Variants in ATP2C2 observed in about 807,000 individuals in gnomAD.
ATP2C2 encodes calcium-transporting ATPase type 2C member 2.
In ATP2C2, 171 loss-of-function variants were observed where a neutral mutation model predicts 110.8. The observed-to-expected ratio is 1.54, with a 90% confidence interval of 1.36 to 1.75. The LOEUF (loss-of-function observed/expected upper bound fraction) is 1.75. ATP2C2 is among the 40% of genes most tolerant of loss of function. The probability of loss-of-function intolerance (pLI) is 0.00; values close to 1 mark genes in which losing one functional copy is unlikely to be tolerated. For missense variants in ATP2C2, 1,963 were observed against 1,235.0 expected (o/e 1.59, Z -8.84); for synonymous variants, 804 against 508.4 (o/e 1.58, Z -7.82).
At chr16:84,452,480 C>T (rs888531306) in intron 18 of ATP2C2, among the ~76,000 whole-genome samples, 1 of 149,842 alleles carries the variant, frequency 6.7e-6, no homozygotes, top group African/African-American at 2.5e-5. Flanking sequence ...GGGCTAGCAG[C>T]CCTTCTCCTC....
chr16:84,399,155 C>T (rs565846143), intron 2 of ATP2C2, among the ~76,000 whole-genome samples: 2 of 152,286 alleles, frequency 1.3e-5, no homozygotes, highest in South Asian at 2.1e-4. Flanking sequence ...TGTGTGCACA[C>T]GTGCGTGCAC....
chr16:84,389,624 C>A (rs762223586), intron 1 of ATP2C2, among the ~76,000 whole-genome samples: 12 of 152,106 alleles, frequency 7.9e-5, no homozygotes, highest in Non-Finnish European at 1.5e-4. Context: ...GACGAGGACT[C>A]CTGCTGTCCC....
rs551249843 is a variant in ATP2C2, at chr16:84,442,046, G to A, written c.1312-464G>A. The stretch of plus-strand genomic sequence containing the variant: ...ACCAGGCCGGGAAGGAAGAGCGCTG[G>A]GAATCCCACTCTTTTTGCTTGTCTC... On this transcript the variant is annotated intron_variant, in intron 14 of 26. Transcript: ENST00000262429. Among the ~76,000 whole-genome samples, 5 of 152,138 alleles carry A rather than the reference G, an allele frequency of 3.3e-5. No homozygotes were observed. In the East Asian group the frequency reaches 9.7e-4, roughly 29 times the overall value.
rs7185633 is a variant in ATP2C2 at position 84,430,912 on chromosome 16, C to G, written c.986+5111C>G. ...CTCCTTGTCAGCAACCCAACCCCCC[C>G]ACCTCAGCAGGATGGGGACTCTGCT... is the stretch of plus-strand genomic sequence containing the variant. On this transcript the variant is annotated intron_variant, in intron 11 of 26. Coordinates refer to ENST00000262429, the MANE Select transcript of ATP2C2 (RefSeq NM_014861.4). 8.8e-3 allele frequency among the ~76,000 whole-genome samples: 1,341 copies of G among 152,212 alleles called. 22 individuals are homozygous for G. Among genetic ancestry groups the G allele is most frequent in the African/African-American group, 0.029 (1,192 of 41,508 alleles).
At chr16:84,391,113 C>CAAAAAAAAAA (rs567509863) in intron 1 of ATP2C2, among the ~76,000 whole-genome samples, 7 of 73,260 alleles carry the variant, frequency 9.6e-5, no homozygotes, top group Non-Finnish European at 1.2e-4. Context: ...GACTCAGACT[C>CAAAAAAAAAA]AAAAAAAAAA....
At chr16:84,406,573 C>T (rs867794604) in intron 3 of ATP2C2, 1 of 985,486 alleles carries the variant, frequency 1.0e-6, no homozygotes, top group South Asian at 4.7e-5. Context: ...GAGGTCCCCT[C>T]CCTGATCAAG....
chr16:84,437,662 CATG>C (rs1223998219), intron 11 of ATP2C2, among the ~76,000 whole-genome samples: 1 of 152,178 alleles, frequency 6.6e-6, no homozygotes, highest in East Asian at 1.9e-4. Flanking sequence ...ATTACAGGTG[CATG>C]CCACCACACC....
At chr16:84,376,697 C>A (rs369314600) in intron 1 of ATP2C2, among the ~76,000 whole-genome samples, 1 of 152,150 alleles carries the variant, frequency 6.6e-6, no homozygotes, top group Non-Finnish European at 1.5e-5. Flanking sequence ...CAGTCATGGC[C>A]GCTGGGTGGA....
chr16:84,386,629 C>T (rs1904332956), intron 1 of ATP2C2, among the ~76,000 whole-genome samples: 1 of 152,186 alleles, frequency 6.6e-6, no homozygotes, highest in Non-Finnish European at 1.5e-5. Flanking sequence ...CGTATGCACA[C>T]ACAGACGCAC....
chr16:84,440,902 C>A lies in ATP2C2; in HGVS notation c.1255C>A (p.Pro419Thr), dbSNP rs781700486. Residue 419 changes from proline (P) to threonine (T), a missense_variant, in exon 14 of 27, where the codon CCA becomes ACA. By Grantham distance (38) the Pro-to-Thr change is conservative (BLOSUM62 -1). Transcript: ENST00000262429. ...YDGQGTVCLL[P>T]SKEVIKEFSN... is the part of the protein sequence containing the mutation. ...CGGTCAAGGGACTGTGTGTCTTCTA[C>A]CATCCAAGGAAGTCATTAAGGAATT... is the stretch of plus-strand genomic sequence containing the variant. 1.2e-6 allele frequency: 2 copies of A among 1,613,610 alleles called. No homozygotes were observed. Among genetic ancestry groups the A allele is most frequent in the Non-Finnish European group, 8.5e-7 (1 of 1,179,950 alleles).
At chr16:84,372,894 G>T (rs575373740) in intron 1 of ATP2C2, among the ~76,000 whole-genome samples, 1 of 151,796 alleles carries the variant, frequency 6.6e-6, no homozygotes, top group East Asian at 2.0e-4. Flanking sequence ...GCTGAGGCGT[G>T]CAGATCACTT....
intron 3 of ATP2C2, among the ~76,000 whole-genome samples, chr16:84,406,360 T>G (rs905506218): frequency 1.3e-5 from 2 of 152,208 alleles, no homozygotes; most frequent in African/African-American, 4.8e-5. Context: ...CTGAGGGCAT[T>G]TAGATGGCCT....
At chr16:84,423,368 T>A in intron 10 of ATP2C2, 105 bp downstream of exon 10, 1 of 1,095,702 alleles carries the variant, frequency 9.1e-7, no homozygotes, top group Non-Finnish European at 1.4e-6. Context: ...CTCAGCTGCA[T>A]AAGGCTTGGG....
intron 1 of ATP2C2, among the ~76,000 whole-genome samples, chr16:84,396,411 G>A (rs1186500188): frequency 1.3e-5 from 2 of 151,592 alleles, no homozygotes; most frequent in East Asian, 1.9e-4. Flanking sequence ...TTAGTGAGGC[G>A]TGGCGGTGCG....
intron 1 of ATP2C2, among the ~76,000 whole-genome samples, chr16:84,376,664 C>T (rs997249563): frequency 2.0e-5 from 3 of 152,132 alleles, no homozygotes; most frequent in Non-Finnish European, 2.9e-5. Context: ...TAGACCCTGC[C>T]AGGTATCCCC....
intron 23 of ATP2C2, 107 bp downstream of exon 23, chr16:84,459,493 CA>C: frequency 6.3e-7 from 1 of 1,585,584 alleles, no homozygotes; most frequent in Non-Finnish European, 8.6e-7. Flanking sequence ...CAAATACAGC[CA>C]CTTTCCATCA....
chr16:84,378,735 C>G (rs1447308910), intron 1 of ATP2C2, among the ~76,000 whole-genome samples: 2 of 152,184 alleles, frequency 1.3e-5, no homozygotes, highest in African/African-American at 2.4e-5. Flanking sequence ...AGGCTCACTG[C>G]AAAACGGCCC....
At chr16:84,415,428 G>A (rs951359053) in intron 6 of ATP2C2, 55 bp from the exon 7 acceptor site, 10 of 1,397,516 alleles carry the variant, frequency 7.2e-6, no homozygotes, top group African/African-American at 1.4e-5. Flanking sequence ...GTATCAAGGT[G>A]CATAAAAACA....
At position 84,454,951 on chromosome 16, in the gene ATP2C2, T is replaced by C; in HGVS notation, c.2114T>C (p.Met705Thr). The part of the protein sequence containing the change: ...GTDVSKEAAN[M>T]ILVDDDFSAI... ...GACGTCAGCAAAGAGGCCGCCAACA[T>C]GATCCTGGTGGATGATGACTTCTCA... Residue 705 changes from methionine (M) to threonine (T), a missense_variant, in exon 21 of 27, where the codon ATG becomes ACG. Coordinates refer to ENST00000262429, the MANE Select transcript of ATP2C2 (RefSeq NM_014861.4). 6.2e-7 allele frequency: 1 copy of C among 1,613,504 alleles called. No homozygotes were observed. Among genetic ancestry groups the C allele is most frequent in the Non-Finnish European group, 8.5e-7 (1 of 1,179,844 alleles).
Sources: allele counts gnomAD v4.1 joint callset (sites outside exome capture counted in the v4.1 genomes callset), GRCh38; gene constraint gnomAD v4.1.1; transcripts MANE v1.5; gene names NCBI Gene and HGNC (gene_info 2026-07-23, HGNC 2026-07-21).